AADACL2: variants seen among roughly 807,000 people sequenced by gnomAD.
The protein encoded by AADACL2 is arylacetamide deacetylase-like 2.
AADACL2 carries 23 observed loss-of-function variants against 22.3 expected under a neutral mutation model. That is an observed-to-expected ratio of 1.03 (90% CI 0.74 to 1.46). The LOEUF (loss-of-function observed/expected upper bound fraction) is 1.46. Ranked by LOEUF, AADACL2 falls within the 40% of genes most tolerant of loss-of-function variation. The pLI, the probability that AADACL2 is intolerant of heterozygous loss-of-function variation, is 0.00. For synonymous variants in AADACL2, 177 were observed against 166.2 expected, an observed-to-expected ratio of 1.07 and a Z score of -0.50; for missense variants, 472 against 482.9, an observed-to-expected ratio of 0.98 and a Z score of 0.21.
Position 151,760,607 on chromosome 3 carries a change from A to G in AADACL2, c.*3013A>G, listed in dbSNP as rs1273059934. 1 of 152,328 alleles carries G rather than the reference A, an allele frequency of 6.6e-6. No homozygotes were observed. The highest frequency in any genetic ancestry group is 2.4e-5 in the African/African-American group (1 of 41,456). 9.4% of individuals were successfully genotyped at this position (152,328 alleles called of 1,614,324 possible). On this transcript the variant is annotated 3_prime_UTR_variant, in exon 5 of 5. Transcript: ENST00000356517. ...GACACATATATCTAACATGTAAAGA[A>G]GTAACAATTTCCAAAATACCTCCAA...
intron 4 of AADACL2, 31 bp downstream of exon 4, chr3:151,745,711 C>T (rs1713422735): frequency 3.2e-6 from 5 of 1,538,948 alleles, no homozygotes; most frequent in Non-Finnish European, 4.4e-6. Flanking sequence ...TGATAGGAGG[C>T]AGAAATTGAG....
At chr3:151,746,042 T>C (rs1047548858) in intron 4 of AADACL2, among the ~76,000 whole-genome samples, 3 of 152,116 alleles carry the variant, frequency 2.0e-5, no homozygotes, top group African/African-American at 7.2e-5. Context: ...TTGGGGAGGA[T>C]TGACGTGTCA....
chr3:151,736,010 G>A (rs906739519), intron 1 of AADACL2, among the ~76,000 whole-genome samples: 5 of 152,040 alleles, frequency 3.3e-5, no homozygotes, highest in Non-Finnish European at 5.9e-5. Context: ...GGAATTTAAA[G>A]GTGAGGAAAG....
chr3:151,750,956 T>C (rs997974539), intron 4 of AADACL2, among the ~76,000 whole-genome samples: 1 of 152,170 alleles, frequency 6.6e-6, no homozygotes, highest in African/African-American at 2.4e-5. Flanking sequence ...TGGGCCTCCC[T>C]TCAACCCAAC....
At chr3:151,742,579 G>A (rs1356191715) in intron 2 of AADACL2, among the ~76,000 whole-genome samples, 6 of 152,196 alleles carry the variant, frequency 3.9e-5, no homozygotes, top group South Asian at 4.1e-4. Context: ...TGGATGAAAC[G>A]GATTTCTTGT....
intron 4 of AADACL2, among the ~76,000 whole-genome samples, chr3:151,747,618 TTGTG>T (rs149912523): frequency 0.023 from 3,478 of 148,296 alleles, 124 homozygotes; most frequent in African/African-American, 0.081. Context: ...TTGTGTGTGT[TTGTG>T]TGTGTGTGTG....
In AADACL2 at chr3:151,747,205, G is replaced by A. The variant is rs570340152; in HGVS notation, c.603+1525G>A. 2.6e-5 allele frequency among the ~76,000 whole-genome samples: 4 copies of A among 152,252 alleles called. No homozygotes were observed. The South Asian group carries it at 6.2e-4, about 24-fold the overall frequency. On this transcript the variant is annotated intron_variant, in intron 4 of 4. Transcript: ENST00000356517. Reference sequence around the variant, plus strand: ...AAACAATTAACAAAAGCTAAGTAACGTAATCATTACCTCACATAGTTACCA... The same window carrying A: ...AAACAATTAACAAAAGCTAAGTAACATAATCATTACCTCACATAGTTACCA...
In AADACL2 at chr3:151,757,616, C is replaced by A; in HGVS notation, c.*22C>A. 1 of 1,565,140 alleles carries A rather than the reference C, an allele frequency of 6.4e-7. No individual in the cohort carries two copies. The highest frequency in any genetic ancestry group is 1.2e-5 in the South Asian group (1 of 82,034). On this transcript the variant is annotated 3_prime_UTR_variant, in exon 5 of 5. Transcript: ENST00000356517. ...ATAAATATGTGATGTGTATGTATAG[C>A]CCTTACATAGTGGATTGTAATTTGT...
chr3:151,755,772 C>T lies in AADACL2; in HGVS notation c.604-1220C>T, dbSNP rs528406667. 4.8e-4 allele frequency among the ~76,000 whole-genome samples: 73 copies of T among 152,102 alleles called. 1 individual carries two copies. In the South Asian group the frequency reaches 7.5e-3, roughly 16 times the overall value. ...TATTGATGGACACTTTTTGACCTGT[C>T]CCTGTTTATGTGTTCTCTGTTTGTT... On this transcript the variant is annotated intron_variant, in intron 4 of 4. Coordinates refer to ENST00000356517, the MANE Select transcript of AADACL2 (RefSeq NM_207365.4).
At chr3:151,736,225 T>C (rs1713081666) in intron 1 of AADACL2, among the ~76,000 whole-genome samples, 1 of 152,026 alleles carries the variant, frequency 6.6e-6, no homozygotes, top group African/African-American at 2.4e-5. Context: ...AGTAAATTAG[T>C]GGGTTTTGAA....
chr3:151,757,218 T>C lies in AADACL2; in HGVS notation c.830T>C (p.Leu277Pro). 11 of 1,613,704 alleles carry C rather than the reference T, an allele frequency of 6.8e-6. No individual in the cohort carries two copies. Among genetic ancestry groups the C allele is most frequent in the Non-Finnish European group, 9.3e-6 (11 of 1,179,706 alleles). ...CACATGCCTCTGGAGTCAAGACATC[T>C]GTTTAAGTTTGTTAACTGGAGTATT... ...NQHMPLESRH[L>P]FKFVNWSILL... The change falls in exon 5 of 5, where the codon CTG (leucine) becomes CCG (proline). Residue 277 changes from leucine to proline, a missense_variant. Physicochemically the swap from Leu to Pro is moderately conservative, Grantham distance 98. Coordinates refer to ENST00000356517, the MANE Select transcript of AADACL2 (RefSeq NM_207365.4).
chr3:151,744,186 A>T, intron 3 of AADACL2, 24 bp downstream of exon 3: 1 of 1,612,430 alleles, frequency 6.2e-7, no homozygotes, highest in Non-Finnish European at 8.5e-7. Flanking sequence ...TTTTCTGGCT[A>T]CTATGATTTT....
intron 4 of AADACL2, among the ~76,000 whole-genome samples, chr3:151,753,768 T>C (rs1353377569): frequency 6.6e-6 from 1 of 152,066 alleles, no homozygotes; most frequent in African/African-American, 2.4e-5. Context: ...TATGGATAAG[T>C]TGGTGTGGGC....
At chr3:151,741,803 A>G (rs1326744765) in intron 2 of AADACL2, among the ~76,000 whole-genome samples, 1 of 152,052 alleles carries the variant, frequency 6.6e-6, no homozygotes, top group Non-Finnish European at 1.5e-5. Flanking sequence ...TGACAGGAAA[A>G]TATCACTTTG....
chr3:151,736,302 C>CTTTTT (rs10575713), intron 1 of AADACL2, among the ~76,000 whole-genome samples: 1 of 138,390 alleles, frequency 7.2e-6, no homozygotes, highest in Non-Finnish European at 1.6e-5. Context: ...AAGGATTTAT[C>CTTTTT]TTTTTTTTTT....
At chr3:151,753,532 T>G (rs1347932181) in intron 4 of AADACL2, among the ~76,000 whole-genome samples, 1 of 152,112 alleles carries the variant, frequency 6.6e-6, no homozygotes, top group African/African-American at 2.4e-5. Context: ...CAGATACTCA[T>G]TGGCTAGTTG....
intron 4 of AADACL2, among the ~76,000 whole-genome samples, chr3:151,752,293 A>T (rs996348806): frequency 3.9e-5 from 6 of 152,208 alleles, no homozygotes; most frequent in Non-Finnish European, 7.3e-5. Context: ...TATATTTTAA[A>T]AAATGACTCA....
At position 151,740,738 on chromosome 3, in the gene AADACL2, A is replaced by G; in HGVS notation, c.231A>G (p.Glu77=). 1 of 1,613,960 alleles carries G rather than the reference A, an allele frequency of 6.2e-7. No individual in the cohort carries two copies. Among genetic ancestry groups the G allele is most frequent in the Non-Finnish European group, 8.5e-7 (1 of 1,179,916 alleles). Residue 77 remains glutamate (E), a synonymous_variant, in exon 2 of 5, where the codon GAA becomes GAG. Transcript: ENST00000356517. ...RLDYTQPLSD[E]YITVTDTTFV... ...ATTATACCCAACCACTTTCAGATGAATACATCACAGTGACTGATACAACAT... is the reference window on the plus strand; with the variant it reads ...ATTATACCCAACCACTTTCAGATGAGTACATCACAGTGACTGATACAACAT...
chr3:151,750,314 T>C (rs1713622323), intron 4 of AADACL2, among the ~76,000 whole-genome samples: 1 of 152,236 alleles, frequency 6.6e-6, no homozygotes, highest in African/African-American at 2.4e-5. Context: ...CTCAACATTT[T>C]TTAACAGTGC....
Sources: allele counts gnomAD v4.1 joint callset (sites outside exome capture counted in the v4.1 genomes callset), GRCh38; gene constraint gnomAD v4.1.1; transcripts MANE v1.5; gene names NCBI Gene and HGNC (gene_info 2026-07-23, HGNC 2026-07-21).